RMDN2: variants seen among roughly 807,000 people sequenced by gnomAD.
RMDN2 encodes regulator of microtubule dynamics protein 2.
Under a neutral mutation model 52.8 loss-of-function variants are expected in RMDN2, and 61 were observed. That is an observed-to-expected ratio of 1.16 (90% CI 0.94 to 1.43). The LOEUF (loss-of-function observed/expected upper bound fraction) is 1.43, where lower values mean the gene tolerates loss of function less well. RMDN2 is among the 40% of genes most tolerant of loss of function. The pLI is 0.00. For synonymous variants in RMDN2, 180 were observed against 153.1 expected (o/e 1.18, Z -1.30); for missense variants, 592 against 475.3 (o/e 1.25, Z -2.28).
intron 10 of RMDN2, among the ~76,000 whole-genome samples, chr2:38,039,081 CACACACACACACAGAGAG>C (rs1417801954): frequency 4.9e-5 from 4 of 81,752 alleles, no homozygotes; most frequent in Non-Finnish European, 9.0e-5. Context: ...CACACACACA[CACACACACACACAGAGAG>C]AGAGATAAAA....
At chr2:37,947,607 G>A (rs973716671) in intron 2 of RMDN2, among the ~76,000 whole-genome samples, 1 of 152,110 alleles carries the variant, frequency 6.6e-6, no homozygotes, top group Non-Finnish European at 1.5e-5. Flanking sequence ...GAATGTTGCT[G>A]TTACTGTCCA....
At chr2:37,953,893 A>G (rs1669142324) in intron 2 of RMDN2, among the ~76,000 whole-genome samples, 2 of 151,944 alleles carry the variant, frequency 1.3e-5, no homozygotes, top group African/African-American at 4.8e-5. Flanking sequence ...AGCCATCCTA[A>G]TGGGTATGAG....
At chr2:37,923,874 C>T (rs1206740021), upstream of RMDN2, among the ~76,000 whole-genome samples, 1 of 152,032 alleles carries the variant, frequency 6.6e-6, no homozygotes, top group African/African-American at 2.4e-5. Flanking sequence ...CTTAACCTCC[C>T]GAGCAGCTGG....
rs4670806 is a variant in RMDN2, at chr2:38,004,892, C to T, written c.1179+676C>T. On this transcript the variant is annotated intron_variant, in intron 10 of 10. Transcript: ENST00000354545. ...GGCCCCGGTGTGTGATGTTCCCGTT[C>T]CTGCGTCCATGTGTTCTGATTGTTC... Among the ~76,000 whole-genome samples the T allele has an allele frequency of 5.0e-3, 752 of 151,538 alleles. 24 individuals carry two copies. Among genetic ancestry groups the T allele is most frequent in the Admixed American group, 0.033 (498 of 15,202 alleles).
chr2:38,061,138 C>A (rs1207004170), intron 10 of RMDN2, among the ~76,000 whole-genome samples: 1 of 152,074 alleles, frequency 6.6e-6, no homozygotes, highest in Non-Finnish European at 1.5e-5. Context: ...TCTTTAGGAA[C>A]AAGTGAGTAG....
intron 10 of RMDN2, among the ~76,000 whole-genome samples, chr2:38,015,664 A>C (rs746668985): frequency 6.6e-6 from 1 of 152,232 alleles, no homozygotes; most frequent in Non-Finnish European, 1.5e-5. Flanking sequence ...ATCTCAGAGG[A>C]AGCTGCACAG....
chr2:37,951,926 AAG>A, intron 2 of RMDN2: 1 of 1,613,394 alleles, frequency 6.2e-7, no homozygotes, highest in South Asian at 1.1e-5. Context: ...ATATTCAACA[AAG>A]GGGCCAATTA....
intron 8 of RMDN2, among the ~76,000 whole-genome samples, chr2:38,002,276 A>C (rs1012770885): frequency 4.1e-4 from 62 of 152,358 alleles, no homozygotes; most frequent in African/African-American, 1.5e-3. Flanking sequence ...CCTTACAGGA[A>C]TAAACACACA....
chr2:38,061,014 GTGGAGTC>G (rs1353105254), intron 10 of RMDN2, among the ~76,000 whole-genome samples: 113 of 152,332 alleles, frequency 7.4e-4, no homozygotes, highest in Non-Finnish European at 1.4e-3. Context: ...AAGAATCAGT[GTGGAGTC>G]CTTTGGTGCA....
At chr2:38,030,684 C>T (rs978620379) in intron 10 of RMDN2, 3 of 152,138 alleles carry the variant, frequency 2.0e-5, no homozygotes, top group Non-Finnish European at 4.4e-5. Context: ...CCTTTTTACT[C>T]ACTAAGATAG....
intron 10 of RMDN2, among the ~76,000 whole-genome samples, chr2:38,060,383 T>A (rs1245743576): frequency 6.6e-6 from 1 of 152,168 alleles, no homozygotes; most frequent in Non-Finnish European, 1.5e-5. Flanking sequence ...AAACACACAG[T>A]GAAAAGTTAA....
At chr2:37,953,215 A>T (rs1056923450) in intron 2 of RMDN2, 1 of 152,002 alleles carries the variant, frequency 6.6e-6, no homozygotes, top group Non-Finnish European at 1.5e-5. Flanking sequence ...TTACTATCTT[A>T]ACCATTTTAA....
chr2:38,043,622 A>G (rs867393364), intron 10 of RMDN2, among the ~76,000 whole-genome samples: 62 of 151,560 alleles, frequency 4.1e-4, no homozygotes, highest in African/African-American at 1.3e-3. Context: ...ATATGATTCC[A>G]TTTTCTCTCG....
chr2:38,053,133 ATAAG>A (rs1465084493), intron 10 of RMDN2, among the ~76,000 whole-genome samples: 18 of 152,344 alleles, frequency 1.2e-4, no homozygotes, highest in African/African-American at 4.3e-4. Context: ...CCCATTAAAA[ATAAG>A]TAAGAGTGAG....
chr2:37,961,333 C>G (rs1335245418), intron 2 of RMDN2, among the ~76,000 whole-genome samples: 1 of 152,040 alleles, frequency 6.6e-6, no homozygotes, highest in Non-Finnish European at 1.5e-5. Context: ...ACCAATCAAA[C>G]GTAGGTTTGG....
intron 2 of RMDN2, among the ~76,000 whole-genome samples, chr2:37,941,831 C>G (rs146771771): frequency 7.8e-4 from 118 of 152,006 alleles, no homozygotes; most frequent in African/African-American, 2.6e-3. Context: ...TTGCTGGGCT[C>G]TGTAGGGGTG....
At chr2:38,023,312 G>A (rs1035899207) in intron 10 of RMDN2, among the ~76,000 whole-genome samples, 8 of 152,000 alleles carry the variant, frequency 5.3e-5, no homozygotes, top group African/African-American at 1.7e-4. Flanking sequence ...TGGAAAGACA[G>A]AAGGTAAAAA....
Position 37,986,203 on chromosome 2 carries a change from C to T in RMDN2, c.792-3338C>T, listed in dbSNP as rs1488554627. Reference sequence around the variant, plus strand: ...ATTAGAATTGTTCCCCAAACTGGAACTCGTTGAGAGGAAACATTGAACAGA... The same window carrying T: ...ATTAGAATTGTTCCCCAAACTGGAATTCGTTGAGAGGAAACATTGAACAGA... On this transcript the variant is annotated intron_variant, in intron 5 of 10. Coordinates refer to ENST00000354545, the MANE Select transcript of RMDN2 (RefSeq NM_001170791.3). Among the ~76,000 whole-genome samples, 3 of 152,106 alleles carry T rather than the reference C, an allele frequency of 2.0e-5. No individual in the cohort carries two copies. The East Asian group carries it at 5.8e-4, about 29-fold the overall frequency.
intron 10 of RMDN2, among the ~76,000 whole-genome samples, chr2:38,016,852 T>A (rs1480849509): frequency 6.6e-6 from 1 of 152,056 alleles, no homozygotes; most frequent in Non-Finnish European, 1.5e-5. Context: ...ACTAGATACT[T>A]CATGCTGGAG....
Sources: allele counts gnomAD v4.1 joint callset (sites outside exome capture counted in the v4.1 genomes callset), GRCh38; gene constraint gnomAD v4.1.1; transcripts MANE v1.5; gene names NCBI Gene and HGNC (gene_info 2026-07-23, HGNC 2026-07-21).